Variants in CSMD1 observed in about 807,000 individuals in gnomAD.
CSMD1 encodes CUB and sushi domain-containing protein 1.
CSMD1 carries 213 observed loss-of-function variants against 417.5 expected under a neutral mutation model. That is an observed-to-expected ratio of 0.51 (90% CI 0.46 to 0.57). The LOEUF (loss-of-function observed/expected upper bound fraction) is 0.57. Among genes scored for constraint, CSMD1 ranks in the 20% least tolerant of loss-of-function variants. The pLI is 0.00. For synonymous variants in CSMD1, 2,862 were observed against 1,736.8 expected (o/e 1.65, Z -16.11); for missense variants, 6,923 against 4,529.7 (o/e 1.53, Z -15.17).
At position 3,412,027 on chromosome 8, in the gene CSMD1, TATATATACAC is replaced by T. The variant is rs1339451745; in HGVS notation, c.1562-2432_1562-2423del. The stretch of plus-strand genomic sequence containing the variant: ...ACGTATATATATACATATACACACG[TATATATACAC>T]ATATATACACGTATATATACACACG... On this transcript the variant is annotated intron_variant, in intron 12 of 69. Coordinates refer to ENST00000635120, the MANE Select transcript of CSMD1 (RefSeq NM_033225.6). 8.8e-5 allele frequency among the ~76,000 whole-genome samples: 7 copies of T among 79,680 alleles called. 1 individual carries two copies. The highest frequency in any genetic ancestry group is 1.6e-4 in the African/African-American group (3 of 18,408). The allele number at this position is 79,680 out of a possible 152,430, so 52.3% of individuals were successfully genotyped here.
chr8:3,348,863 AAAGTCACT>A (rs1210330953), intron 21 of CSMD1, among the ~76,000 whole-genome samples: 2 of 152,240 alleles, frequency 1.3e-5, no homozygotes, highest in Non-Finnish European at 2.9e-5. Flanking sequence ...CAACCTGGAG[AAAGTCACT>A]TAACCTTTCA....
chr8:3,819,478 G>C (rs78047509), intron 5 of CSMD1, among the ~76,000 whole-genome samples: 1 of 151,672 alleles, frequency 6.6e-6, no homozygotes, highest in African/African-American at 2.4e-5. Flanking sequence ...ATCGTCGGTG[G>C]CACTGCTCTT....
At chr8:3,886,763 A>G (rs960377691) in intron 5 of CSMD1, among the ~76,000 whole-genome samples, 5 of 152,214 alleles carry the variant, frequency 3.3e-5, no homozygotes, top group African/African-American at 1.2e-4. Flanking sequence ...TGCAGGACAC[A>G]GACTTAGGGA....
chr8:3,244,052 C>T (rs908470241), intron 26 of CSMD1, among the ~76,000 whole-genome samples: 7 of 152,154 alleles, frequency 4.6e-5, no homozygotes, highest in East Asian at 1.9e-4. Flanking sequence ...TAGAAAAATA[C>T]ATAAAGCAAT....
At chr8:4,594,091 CTCTG>C (rs1800133697) in intron 2 of CSMD1, among the ~76,000 whole-genome samples, 1 of 151,422 alleles carries the variant, frequency 6.6e-6, no homozygotes, top group Non-Finnish European at 1.5e-5. Context: ...TCATGTGCCT[CTCTG>C]TCTATGTGTC....
intron 49 of CSMD1, among the ~76,000 whole-genome samples, chr8:3,063,248 C>T (rs575049815): frequency 6.6e-6 from 1 of 152,302 alleles, no homozygotes; most frequent in East Asian, 1.9e-4. Flanking sequence ...CCCAGAAGCA[C>T]ATGTTGTCTC....
In CSMD1 at chr8:3,399,634, A is replaced by G. The variant is rs370850539; in HGVS notation, c.2267-105T>C. 30 of 844,010 alleles carry G rather than the reference A, an allele frequency of 3.6e-5. No individual in the cohort carries two copies. The African/African-American group carries it at 4.3e-4, about 12-fold the overall frequency. The allele number at this position is 844,010 out of a possible 1,614,324, so 52.3% of individuals were successfully genotyped here. A position where few individuals can be genotyped will look rare whatever the true frequency, so the allele number is the denominator to read the frequency against. ...ATCTGCTTCTGTGTTCATAGACTGAATATTTTCAAGTATCAAAGCAAATCT... is the reference window on the plus strand; with the variant it reads ...ATCTGCTTCTGTGTTCATAGACTGAGTATTTTCAAGTATCAAAGCAAATCT... On this transcript the variant is annotated intron_variant, in intron 15 of 69. Transcript: ENST00000635120.
chr8:4,420,215 G>C (rs2128939867), intron 2 of CSMD1, 150 bp from the exon 3 acceptor site: 2 of 493,046 alleles, frequency 4.1e-6, no homozygotes, highest in African/African-American at 1.9e-5. Context: ...ACATAGCTTT[G>C]GTTGTTAAGT....
chr8:3,299,214 G>C (rs1463107265), intron 25 of CSMD1, among the ~76,000 whole-genome samples: 1 of 152,190 alleles, frequency 6.6e-6, no homozygotes, highest in African/African-American at 2.4e-5. Context: ...TATTTTGGGA[G>C]GCCGAGGTGG....
At chr8:3,218,352 G>C (rs543482191) in intron 29 of CSMD1, among the ~76,000 whole-genome samples, 1 of 151,684 alleles carries the variant, frequency 6.6e-6, no homozygotes, top group African/African-American at 2.4e-5. Flanking sequence ...ATGAGGTCAG[G>C]AGATCGAGAT....
intron 3 of CSMD1, among the ~76,000 whole-genome samples, chr8:4,270,525 A>T (rs1804518477): frequency 6.6e-6 from 1 of 152,046 alleles, no homozygotes; most frequent in Admixed American, 6.6e-5. Context: ...CTCTCTTCTG[A>T]TATCCAGCTG....
chr8:3,675,226 C>T (rs1256231547), intron 7 of CSMD1, among the ~76,000 whole-genome samples: 1 of 152,164 alleles, frequency 6.6e-6, no homozygotes, highest in East Asian at 1.9e-4. Context: ...GTTCTCCTTG[C>T]AGCACCTGTT....
chr8:2,943,431 T>C (rs1802023452), intron 68 of CSMD1, among the ~76,000 whole-genome samples: 1 of 152,126 alleles, frequency 6.6e-6, no homozygotes, highest in South Asian at 2.1e-4. Flanking sequence ...TTTCACCATG[T>C]TGGCCAGGCT....
chr8:4,047,115 T>C (rs1035637587), intron 3 of CSMD1, among the ~76,000 whole-genome samples: 2 of 152,142 alleles, frequency 1.3e-5, no homozygotes, highest in Non-Finnish European at 2.9e-5. Flanking sequence ...GTGGCTTCAA[T>C]GGAAGCTGTG....
intron 3 of CSMD1, among the ~76,000 whole-genome samples, chr8:4,187,446 C>A (rs976966454): frequency 6.6e-6 from 1 of 152,022 alleles, no homozygotes; most frequent in Non-Finnish European, 1.5e-5. Flanking sequence ...CAGGAAGAGA[C>A]CAGCCTGATC....
intron 23 of CSMD1, among the ~76,000 whole-genome samples, chr8:3,335,302 G>T (rs150260912): frequency 1.6e-3 from 243 of 152,312 alleles, no homozygotes; most frequent in African/African-American, 5.7e-3. Context: ...GAAGAGCACA[G>T]TGACAGGATC....
intron 6 of CSMD1, among the ~76,000 whole-genome samples, chr8:3,712,942 G>C (rs754538704): frequency 1.3e-5 from 2 of 152,146 alleles, no homozygotes; most frequent in Non-Finnish European, 2.9e-5. Flanking sequence ...CATTGTGACT[G>C]TAGTTAATAA....
chr8:3,293,874 G>C (rs927525664), intron 25 of CSMD1, among the ~76,000 whole-genome samples: 1 of 152,204 alleles, frequency 6.6e-6, no homozygotes, highest in Non-Finnish European at 1.5e-5. Flanking sequence ...CTGGTGAGGA[G>C]CTGTGTTCCT....
rs1255635548 is a variant in CSMD1 at position 4,067,462 on chromosome 8, C to T, written c.416-35363G>A. On this transcript the variant is annotated intron_variant, in intron 3 of 69. Transcript: ENST00000635120. Reference sequence around the variant, plus strand: ...ATTGTTATACAGTGGTATATCAGTTCTTTTCACATGAAATAAATTACTTTT... The same window carrying T: ...ATTGTTATACAGTGGTATATCAGTTTTTTTCACATGAAATAAATTACTTTT... Among the ~76,000 whole-genome samples, 4 of 147,516 alleles carry T rather than the reference C, an allele frequency of 2.7e-5. No individual in the cohort carries two copies. The East Asian group carries it at 7.9e-4, about 29-fold the overall frequency.
Sources: gnomAD v4.1 joint callset for allele counts (sites outside exome capture counted in the v4.1 genomes callset) on GRCh38, gnomAD v4.1.1 for gene constraint, MANE v1.5 for transcripts, NCBI Gene and HGNC (gene_info 2026-07-23, HGNC 2026-07-21) for gene names.